CSMD1: variants seen among roughly 807,000 people sequenced by gnomAD.
CSMD1 encodes CUB and Sushi multiple domains 1.
In CSMD1, 213 loss-of-function variants were observed where a neutral mutation model predicts 417.5. The observed-to-expected ratio is 0.51, with a 90% CI of 0.46 to 0.57. The LOEUF (loss-of-function observed/expected upper bound fraction) is 0.57, where lower values mean the gene tolerates loss of function less well. Among genes scored for constraint, CSMD1 ranks in the 20% least tolerant of loss-of-function variants. CSMD1 has a pLI of 0.00. For synonymous variants in CSMD1, 2,862 were observed against 1,736.8 expected, an observed-to-expected ratio of 1.65 and a Z score of -16.11; for missense variants, 6,923 against 4,529.7, an observed-to-expected ratio of 1.53 and a Z score of -15.17.
At chr8:4,782,817 C>A (rs2117196713) in intron 1 of CSMD1, among the ~76,000 whole-genome samples, 1 of 151,962 alleles carries the variant, frequency 6.6e-6, no homozygotes, top group South Asian at 2.1e-4. Context: ...CATGGTCCAC[C>A]AATTTAAATT....
intron 1 of CSMD1, among the ~76,000 whole-genome samples, chr8:4,902,720 C>A (rs1804968255): frequency 6.6e-6 from 1 of 151,950 alleles, no homozygotes; most frequent in Non-Finnish European, 1.5e-5. Flanking sequence ...CTACATATAT[C>A]AAAATATATA....
chr8:3,325,614 A>T (rs560548076), intron 23 of CSMD1, among the ~76,000 whole-genome samples: 1 of 152,212 alleles, frequency 6.6e-6, no homozygotes, highest in Admixed American at 6.5e-5. Context: ...GCCTGAGGTC[A>T]GGAGTTTGAG....
At chr8:3,521,978 A>C (rs1797528763) in intron 10 of CSMD1, among the ~76,000 whole-genome samples, 1 of 152,254 alleles carries the variant, frequency 6.6e-6, no homozygotes, top group Admixed American at 6.5e-5. Context: ...CAAAACTTTC[A>C]TTTCCACACA....
intron 25 of CSMD1, among the ~76,000 whole-genome samples, chr8:3,286,051 C>G (rs1199317002): frequency 6.6e-6 from 1 of 152,046 alleles, no homozygotes; most frequent in Non-Finnish European, 1.5e-5. Flanking sequence ...TGTTCAACTC[C>G]CACCTATGAG....
chr8:4,039,427 TA>T (rs1161059308), intron 3 of CSMD1, among the ~76,000 whole-genome samples: 1 of 152,190 alleles, frequency 6.6e-6, no homozygotes, highest in South Asian at 2.1e-4. Flanking sequence ...AGGATCACAT[TA>T]AAAAATCGGA....
chr8:4,053,714 G>C (rs1798551196), intron 3 of CSMD1, among the ~76,000 whole-genome samples: 1 of 152,036 alleles, frequency 6.6e-6, no homozygotes, highest in Non-Finnish European at 1.5e-5. Context: ...GCAGTAGGAG[G>C]AAAATGCTCC....
chr8:4,981,195 C>T (rs1810870695), intron 1 of CSMD1, among the ~76,000 whole-genome samples: 1 of 152,176 alleles, frequency 6.6e-6, no homozygotes, highest in Non-Finnish European at 1.5e-5. Context: ...ACCATGGAAA[C>T]ACATTCATGA....
At chr8:3,233,987 C>T (rs969101643) in intron 26 of CSMD1, among the ~76,000 whole-genome samples, 17 of 152,194 alleles carry the variant, frequency 1.1e-4, no homozygotes, top group Non-Finnish European at 5.9e-5. Context: ...CTGTCAACAT[C>T]GATGTCTGTG....
At chr8:4,853,171 A>C (rs1242903135) in intron 1 of CSMD1, among the ~76,000 whole-genome samples, 1 of 152,222 alleles carries the variant, frequency 6.6e-6, no homozygotes, top group Non-Finnish European at 1.5e-5. Flanking sequence ...GATTTGCATG[A>C]CTAAAAGGGA....
intron 6 of CSMD1, among the ~76,000 whole-genome samples, chr8:3,726,655 A>G (rs10103940): frequency 0.71 from 108,107 of 152,004 alleles, 39,247 homozygotes; most frequent in South Asian, 0.83. Flanking sequence ...TCCATCATAC[A>G]GGTGACATCA....
intron 2 of CSMD1, among the ~76,000 whole-genome samples, chr8:4,580,309 A>G (rs965271158): frequency 6.6e-6 from 1 of 152,156 alleles, no homozygotes; most frequent in African/African-American, 2.4e-5. Context: ...ATTTATTTCC[A>G]GGAAGGTACA....
chr8:4,522,920 A>G (rs950195908), intron 2 of CSMD1, among the ~76,000 whole-genome samples: 2 of 152,168 alleles, frequency 1.3e-5, no homozygotes, highest in Non-Finnish European at 2.9e-5. Context: ...AAATAAGGAC[A>G]TTGCTGTTAT....
chr8:4,152,028 C>T (rs1287721134), intron 3 of CSMD1, among the ~76,000 whole-genome samples: 7 of 152,028 alleles, frequency 4.6e-5, no homozygotes, highest in Admixed American at 3.9e-4. Flanking sequence ...GTGTTTAGCT[C>T]GATACCTTCA....
intron 3 of CSMD1, among the ~76,000 whole-genome samples, chr8:4,295,738 A>G (rs755677772): frequency 5.8e-5 from 2 of 34,324 alleles, no homozygotes; most frequent in Admixed American, 4.5e-4. Flanking sequence ...GTGTGTGTGT[A>G]TATGTGTGTG....
intron 49 of CSMD1, among the ~76,000 whole-genome samples, chr8:3,064,976 G>C (rs1382150569): frequency 6.6e-6 from 1 of 152,084 alleles, no homozygotes; most frequent in African/African-American, 2.4e-5. Flanking sequence ...TCTATTCCAT[G>C]TGCACTGGGA....
intron 5 of CSMD1, among the ~76,000 whole-genome samples, chr8:3,941,642 A>C (rs1585005120): frequency 6.6e-6 from 1 of 152,144 alleles, no homozygotes; most frequent in African/African-American, 2.4e-5. Context: ...AAAAAAATTA[A>C]ACTCTTTTTC....
At chr8:4,433,164 T>C (rs1797966705) in intron 2 of CSMD1, among the ~76,000 whole-genome samples, 1 of 152,228 alleles carries the variant, frequency 6.6e-6, no homozygotes, top group African/African-American at 2.4e-5. Context: ...CCACTGATTC[T>C]GCATTATGGC....
At chr8:4,018,204 A>AT (rs1356052263) in intron 4 of CSMD1, among the ~76,000 whole-genome samples, 1 of 152,048 alleles carries the variant, frequency 6.6e-6, no homozygotes, top group Non-Finnish European at 1.5e-5. Flanking sequence ...ATTTAAAAAT[A>AT]TTTTCCAGAA....
intron 3 of CSMD1, among the ~76,000 whole-genome samples, chr8:4,309,108 G>C (rs1798416756): frequency 6.6e-6 from 1 of 152,050 alleles, no homozygotes; most frequent in South Asian, 2.1e-4. Flanking sequence ...GTTCTATCTA[G>C]TTTAATCAAT....
Sources: allele counts gnomAD v4.1 joint callset (sites outside exome capture counted in the v4.1 genomes callset), GRCh38; gene constraint gnomAD v4.1.1; transcripts MANE v1.5; gene names NCBI Gene and HGNC (gene_info 2026-07-23, HGNC 2026-07-21).